CCDC39: variants seen among roughly 807,000 people sequenced by gnomAD.
CCDC39 encodes the protein coiled-coil domain 39 molecular ruler complex subunit.
A neutral mutation model predicts 121.0 loss-of-function variants in CCDC39; 113 were observed. That is an observed-to-expected ratio of 0.93 (90% CI 0.80 to 1.09). The LOEUF is 1.09. Among genes scored for constraint, CCDC39 ranks in the 50% least tolerant of loss-of-function variants. CCDC39 has a pLI of 0.00. For missense variants in CCDC39, 1,063 were observed against 1,074.7 expected (o/e 0.99, Z 0.15); for synonymous variants, 349 against 352.2 (o/e 0.99, Z 0.10).
At chr3:180,675,222 T>C (rs1221963650) in intron 1 of CCDC39, among the ~76,000 whole-genome samples, 2 of 152,202 alleles carry the variant, frequency 1.3e-5, no homozygotes, top group East Asian at 1.9e-4. Context: ...GGTGTATGTG[T>C]CCAGGAATGT....
intron 1 of CCDC39, among the ~76,000 whole-genome samples, chr3:180,669,454 G>A (rs1023241652): frequency 6.6e-6 from 1 of 151,964 alleles, no homozygotes; most frequent in African/African-American, 2.4e-5. Flanking sequence ...TTCCTACCCA[G>A]AAATATCTAA....
At chr3:180,659,369 T>C in intron 6 of CCDC39, 83 bp downstream of exon 6, 2 of 1,527,982 alleles carry the variant, frequency 1.3e-6, no homozygotes, top group Non-Finnish European at 1.8e-6. Flanking sequence ...CAAATAACAA[T>C]GTGATTTACA....
chr3:180,655,816 G>T (rs1364032731), intron 6 of CCDC39, among the ~76,000 whole-genome samples: 2 of 152,126 alleles, frequency 1.3e-5, no homozygotes, highest in Non-Finnish European at 2.9e-5. Flanking sequence ...GAAGCAAAAA[G>T]ATTTCAAAGC....
chr3:180,644,192 G>C lies in CCDC39; in HGVS notation c.1593C>G (p.Thr531=). ...TGAAAAGGTTTAGTTCATTTATTTT[G>C]GTCATAAGGGACTGTTTTTCATCAC... ...KNSDEKQSLM[T]KINELNLFID... The change falls in exon 12 of 20, where the codon ACC becomes ACG. Residue 531 remains threonine (T), a synonymous_variant. Coordinates refer to ENST00000476379, the MANE Select transcript of CCDC39 (RefSeq NM_181426.2). The C allele has an allele frequency of 6.5e-7, 1 of 1,543,422 alleles. No homozygotes were observed. The highest frequency in any genetic ancestry group is 1.4e-5 in the African/African-American group (1 of 72,794).
At chr3:180,668,228 A>C (rs183109200) in intron 1 of CCDC39, among the ~76,000 whole-genome samples, 159 of 152,280 alleles carry the variant, frequency 1.0e-3, no homozygotes, top group African/African-American at 3.4e-3. Context: ...AATAAAAAAA[A>C]ATTAGCCGGG....
intron 13 of CCDC39, among the ~76,000 whole-genome samples, chr3:180,634,180 C>T (rs1314346369): frequency 1.5e-5 from 2 of 134,788 alleles, no homozygotes; most frequent in Non-Finnish European, 3.2e-5. Flanking sequence ...CTGAACACTA[C>T]CAGTAACAGC....
rs1190737062 is a variant in CCDC39, at chr3:180,654,972, T to C, written c.739-19A>G. ...CTAATTCCTAGGATTAAAACAAATA[T>C]GTTTACTTAAATATATGTTTAAACT... On this transcript the variant is annotated intron_variant, in intron 6 of 19. Transcript: ENST00000476379. 1.4e-6 allele frequency: 2 copies of C among 1,433,560 alleles called. No individual in the cohort carries two copies. Among genetic ancestry groups the C allele is most frequent in the African/African-American group, 1.5e-5 (1 of 67,692 alleles). The allele number at this position is 1,433,560 out of a possible 1,614,324, so 88.8% of individuals were successfully genotyped here.
chr3:180,615,120 A>G (rs765755368), intron 19 of CCDC39, 43 bp from the exon 20 acceptor site: 3 of 1,432,196 alleles, frequency 2.1e-6, no homozygotes, highest in South Asian at 2.8e-5. Flanking sequence ...CAAAGTTTAT[A>G]TTTTAGTATA....
At chr3:180,644,320 A>G (rs1718024585) in intron 11 of CCDC39, 63 bp from the exon 12 acceptor site, 3 of 956,010 alleles carry the variant, frequency 3.1e-6, no homozygotes, top group East Asian at 2.7e-5. Context: ...TATTAAATAC[A>G]TGCTGTATTA....
intron 1 of CCDC39, among the ~76,000 whole-genome samples, chr3:180,665,187 T>C (rs1246726788): frequency 2.6e-5 from 4 of 152,224 alleles, no homozygotes; most frequent in African/African-American, 9.6e-5. Flanking sequence ...GACTCTTATG[T>C]ACCTAGAAAC....
intron 14 of CCDC39, among the ~76,000 whole-genome samples, chr3:180,628,199 G>C (rs751952373): frequency 6.6e-5 from 10 of 152,132 alleles, no homozygotes; most frequent in Non-Finnish European, 1.5e-4. Context: ...CTAGACTCCA[G>C]ATGTATCAGA....
rs1717963637 is a variant in CCDC39 at position 180,641,991 on chromosome 3, A to G, written c.1874+2T>C. 1.3e-6 allele frequency: 2 copies of G among 1,572,828 alleles called. No homozygotes were observed. The highest frequency in any genetic ancestry group is 2.3e-5 in the East Asian group (1 of 43,884). ...CTCAGCAGTTTTAAAACTGAAAATT[A>G]CCTTATGTTTTCCCGTTCTTGATCA... is the stretch of plus-strand genomic sequence containing the variant. On this transcript the variant is annotated splice_donor_variant, in intron 13 of 19. Transcript: ENST00000476379. LOFTEE classifies it high-confidence loss of function.
chr3:180,621,644 A>G (rs914675176), intron 14 of CCDC39, among the ~76,000 whole-genome samples: 1 of 151,968 alleles, frequency 6.6e-6, no homozygotes, highest in African/African-American at 2.4e-5. Flanking sequence ...ATTGTGTGTC[A>G]TGGAGGTTTG....
intron 13 of CCDC39, among the ~76,000 whole-genome samples, chr3:180,637,111 G>A (rs758672031): frequency 2.6e-4 from 40 of 151,930 alleles, no homozygotes; most frequent in Non-Finnish European, 3.8e-4. Context: ...GCTTCTGCAC[G>A]GCAAAGTAAA....
rs77242036 is a variant in CCDC39 at position 180,678,900 on chromosome 3, G to A, written c.90+391C>T. ...TCTGGAGTTTAATTTATAAACGTGC[G>A]CAAATAACCGTTGCTATGCAAACCT... On this transcript the variant is annotated intron_variant, in intron 1 of 19. Coordinates refer to ENST00000476379, the MANE Select transcript of CCDC39 (RefSeq NM_181426.2). Among the ~76,000 whole-genome samples the A allele has an allele frequency of 6.0e-4, 92 of 152,092 alleles. 2 individuals carry two copies. The East Asian group carries it at 0.016, about 27-fold the overall frequency.
intron 3 of CCDC39, among the ~76,000 whole-genome samples, chr3:180,661,445 G>A (rs1711739678): frequency 6.6e-6 from 1 of 151,912 alleles, no homozygotes. Context: ...AGAAAAGACA[G>A]AAATAGGTTA....
chr3:180,617,124 T>G (rs1314874304), intron 16 of CCDC39, among the ~76,000 whole-genome samples, 158 bp from the exon 17 acceptor site: 1 of 152,196 alleles, frequency 6.6e-6, no homozygotes, highest in East Asian at 1.9e-4. Context: ...CGGTCAATGA[T>G]GGACTGTATA....
intron 14 of CCDC39, among the ~76,000 whole-genome samples, chr3:180,629,663 A>AGT (rs1717649373): frequency 6.6e-6 from 1 of 152,224 alleles, no homozygotes; most frequent in Admixed American, 6.5e-5. Flanking sequence ...AGACTTGTGA[A>AGT]GTGTTACCAG....
rs1350035668 is a variant in CCDC39 at position 180,614,881 on chromosome 3, G to T, written c.*40C>A. 9.3e-6 allele frequency: 14 copies of T among 1,499,642 alleles called. No homozygotes were observed. Among genetic ancestry groups the T allele is most frequent in the East Asian group, 2.5e-5 (1 of 39,430 alleles). The allele number at this position is 1,499,642 out of a possible 1,614,324, so 92.9% of individuals were successfully genotyped here. A position where few individuals can be genotyped will look rare whatever the true frequency, so the allele number is the denominator to read the frequency against. On this transcript the variant is annotated 3_prime_UTR_variant, in exon 20 of 20. Transcript: ENST00000476379. ...GTTTTGTATTTTAAAGTATATTTTT[G>T]TTTTTGTGTTTACAACTTTTTCAGA...
Sources: allele counts gnomAD v4.1 joint callset (sites outside exome capture counted in the v4.1 genomes callset), GRCh38; gene constraint gnomAD v4.1.1; transcripts MANE v1.5; gene names NCBI Gene and HGNC (gene_info 2026-07-23, HGNC 2026-07-21).